STIP1: variants seen among roughly 807,000 people sequenced by gnomAD.
STIP1 encodes stress induced phosphoprotein 1.
STIP1 carries 16 observed loss-of-function variants against 77.4 expected under a neutral mutation model. The ratio of observed to expected loss-of-function variants is 0.21; its 90% confidence interval spans 0.14 to 0.31. The LOEUF is 0.31. STIP1 is among the 10% of genes least tolerant of loss of function. The pLI, the probability that STIP1 is intolerant of heterozygous loss-of-function variation, is 1.00. For synonymous variants in STIP1, 258 were observed against 246.6 expected, an observed-to-expected ratio of 1.05 and a Z score of -0.44; for missense variants, 524 against 684.8, an observed-to-expected ratio of 0.77 and a Z score of 2.62.
chr11:64,193,984 C>T (rs927676694), intron 2 of STIP1, among the ~76,000 whole-genome samples: 11 of 152,164 alleles, frequency 7.2e-5, no homozygotes, highest in Admixed American at 2.0e-4. Flanking sequence ...GTGAACAAGG[C>T]GGGGCGGATG....
intron 1 of STIP1, 166 bp downstream of exon 1, chr11:64,186,436 A>T: frequency 1.3e-6 from 1 of 797,662 alleles, no homozygotes; most frequent in Non-Finnish European, 1.7e-6. Context: ...GGCGGGCGGG[A>T]GCGGGATCTT....
chr11:64,194,676 C>A, intron 4 of STIP1, 56 bp downstream of exon 4: 1 of 1,590,814 alleles, frequency 6.3e-7, no homozygotes. Flanking sequence ...ATGCTTTCTT[C>A]CTGTAACCTC....
At chr11:64,201,788 C>T (rs983650307) in intron 10 of STIP1, among the ~76,000 whole-genome samples, 5 of 152,138 alleles carry the variant, frequency 3.3e-5, no homozygotes, top group Admixed American at 2.6e-4. Context: ...AGTACTTTCC[C>T]GATCATGAGA....
Position 64,197,702 on chromosome 11 carries a change from G to A in STIP1, c.902+107G>A, listed in dbSNP as rs1591011657. On this transcript the variant is annotated intron_variant, in intron 7 of 13. Transcript: ENST00000305218. ...GGCTGCTGGCCATAGAATCTGCTGT[G>A]TTAAGAAAGGGCTGGCAAGAAGGTC... 3.9e-6 allele frequency: 6 copies of A among 1,555,484 alleles called. No individual in the cohort carries two copies. The East Asian group carries it at 9.0e-5, about 23-fold the overall frequency.
Position 64,194,542 on chromosome 11 carries a change from G to C in STIP1, c.425G>C (p.Arg142Thr). 1 of 1,614,124 alleles carries C rather than the reference G, an allele frequency of 6.2e-7. No individual in the cohort carries two copies. The highest frequency in any genetic ancestry group is 8.5e-7 in the Non-Finnish European group (1 of 1,180,022). Residue 142 changes from arginine to threonine, a missense_variant, in exon 4 of 14, where the codon AGG becomes ACG. Physicochemically the swap from Arg to Thr is moderately conservative, Grantham distance 71 (BLOSUM62 -1). Transcript: ENST00000305218. ...TATCAGAAGTTGGAGAGTGATCCCA[G>C]GACAAGGACACTACTCAGTGATCCT... is the stretch of plus-strand genomic sequence containing the variant. ...NLYQKLESDPRTRTLLSDPTY... is the reference protein window; with the variant it reads ...NLYQKLESDPTTRTLLSDPTY...
intron 10 of STIP1, among the ~76,000 whole-genome samples, chr11:64,200,691 T>C (rs1946209965): frequency 6.6e-6 from 1 of 151,962 alleles, no homozygotes. Context: ...TGGTTGGCAG[T>C]ACATTGGAAG....
At chr11:64,200,588 GT>G (rs976052188) in intron 10 of STIP1, among the ~76,000 whole-genome samples, 5 of 120,094 alleles carry the variant, frequency 4.2e-5, no homozygotes, top group African/African-American at 1.7e-4. Flanking sequence ...TATCTAACTG[GT>G]CGTGTGTGTG....
intron 1 of STIP1, among the ~76,000 whole-genome samples, chr11:64,187,288 C>A (rs1385435241): frequency 6.6e-6 from 1 of 152,064 alleles, no homozygotes; most frequent in Non-Finnish European, 1.5e-5. Context: ...ACAAAACAAC[C>A]TCCAAGAAAC....
In STIP1 at chr11:64,202,925, C is replaced by T; in HGVS notation, c.1282+13C>T. On this transcript the variant is annotated intron_variant, in intron 11 of 13. Coordinates refer to ENST00000305218, the MANE Select transcript of STIP1 (RefSeq NM_006819.3). ...GAGCCGACCTTCAGTAAGTGCCTTT[C>T]TGCTGCCTGTCCCCTGTCTCTAGCC... 2.5e-6 allele frequency: 4 copies of T among 1,614,218 alleles called. No homozygotes were observed. The highest frequency in any genetic ancestry group is 3.4e-6 in the Non-Finnish European group (4 of 1,180,044).
At chr11:64,202,239 T>C (rs987932569) in intron 10 of STIP1, among the ~76,000 whole-genome samples, 6 of 152,082 alleles carry the variant, frequency 3.9e-5, no homozygotes, top group Non-Finnish European at 8.8e-5. Flanking sequence ...TGTTTGTTTT[T>C]ATTTTTTTTT....
chr11:64,196,784 GA>G, intron 5 of STIP1: 1 of 158,974 alleles, frequency 6.3e-6, no homozygotes, highest in Non-Finnish European at 1.4e-5. Context: ...GTCTCAGCTG[GA>G]AAAAGGCCCT....
chr11:64,200,469 C>G (rs1565283107), intron 10 of STIP1, among the ~76,000 whole-genome samples, 176 bp downstream of exon 10: 1 of 152,036 alleles, frequency 6.6e-6, no homozygotes, highest in South Asian at 2.1e-4. Flanking sequence ...GCCTCCACAT[C>G]CTGCTACATT....
chr11:64,185,814 G>T, upstream of STIP1: 1 of 1,535,838 alleles, frequency 6.5e-7, no homozygotes, highest in South Asian at 1.2e-5. Flanking sequence ...CATTCTGAAG[G>T]CGGTTCCGAC....
chr11:64,199,898 T>C, intron 8 of STIP1, 42 bp from the exon 9 acceptor site: 1 of 1,609,640 alleles, frequency 6.2e-7, no homozygotes, highest in Non-Finnish European at 8.5e-7. Context: ...TTTAGATGAT[T>C]ATGAGCGTTT....
chr11:64,187,597 T>C (rs1946038960), intron 1 of STIP1, among the ~76,000 whole-genome samples: 1 of 152,216 alleles, frequency 6.6e-6, no homozygotes. Flanking sequence ...GAAATGAAGT[T>C]AGTAAACTTT....
At chr11:64,203,691 C>T (rs764434001) in intron 13 of STIP1, 69 bp downstream of exon 13, 2 of 1,592,950 alleles carry the variant, frequency 1.3e-6, no homozygotes, top group African/African-American at 2.7e-5. Context: ...GTGCACGCGG[C>T]TGGGGGGTGG....
intron 1 of STIP1, chr11:64,186,661 C>A (rs552936370): frequency 9.9e-4 from 177 of 179,370 alleles, no homozygotes; most frequent in African/African-American, 3.8e-3. Context: ...GGTCCGCACC[C>A]GCGAGGTAGC....
intron 1 of STIP1, 75 bp downstream of exon 1, chr11:64,186,345 G>A (rs1254440335): frequency 1.5e-6 from 2 of 1,338,278 alleles, no homozygotes; most frequent in Non-Finnish European, 2.0e-6. Context: ...GTAGGGGGGC[G>A]GGGCGGGCGC....
At chr11:64,195,850 TAAACAACTAG>T in intron 5 of STIP1, 37 bp downstream of exon 5, 1 of 1,612,820 alleles carries the variant, frequency 6.2e-7, no homozygotes, top group Non-Finnish European at 8.5e-7. Context: ...CACCTATCTA[TAAACAACTAG>T]AAATCTTTAT....
Sources: gnomAD v4.1 joint callset for allele counts (sites outside exome capture counted in the v4.1 genomes callset) on GRCh38, gnomAD v4.1.1 for gene constraint, MANE v1.5 for transcripts, NCBI Gene and HGNC (gene_info 2026-07-23, HGNC 2026-07-21) for gene names.